Variants in WDR19 observed in about 807,000 individuals in gnomAD.
WDR19 encodes the protein WD repeat-containing protein 19.
WDR19 carries 121 observed loss-of-function variants against 180.0 expected under a neutral mutation model. The observed-to-expected ratio is 0.67, with a 90% CI of 0.58 to 0.78. The LOEUF is 0.78. Among genes scored for constraint, WDR19 ranks in the 30% least tolerant of loss-of-function variants. WDR19 has a pLI of 0.00. For synonymous variants in WDR19, 497 were observed against 540.7 expected (o/e 0.92, Z 1.12); for missense variants, 1,450 against 1,640.7 (o/e 0.88, Z 2.01).
intron 19 of WDR19, 44 bp from the exon 20 acceptor site, chr4:39,234,722 A>G (rs1731206651): frequency 7.4e-7 from 1 of 1,357,474 alleles, no homozygotes; most frequent in African/African-American, 1.4e-5. Context: ...ACTTTGCAAA[A>G]TAATTTTGCT....
chr4:39,216,763 C>T (rs1160864380), intron 12 of WDR19, among the ~76,000 whole-genome samples: 3 of 152,140 alleles, frequency 2.0e-5, no homozygotes, highest in African/African-American at 7.2e-5. Context: ...ATCACCTTTC[C>T]CCAATTCTAG....
intron 9 of WDR19, among the ~76,000 whole-genome samples, chr4:39,207,960 T>C (rs1047444946): frequency 6.6e-6 from 1 of 152,084 alleles, no homozygotes; most frequent in Non-Finnish European, 1.5e-5. Context: ...AACTATACTA[T>C]AAAGGGGAGA....
chr4:39,271,958 G>A (rs1735420562), intron 31 of WDR19, among the ~76,000 whole-genome samples: 1 of 152,148 alleles, frequency 6.6e-6, no homozygotes, highest in Non-Finnish European at 1.5e-5. Context: ...AATTTAAGTA[G>A]CCATACGTGA....
intron 21 of WDR19, 149 bp from the exon 22 acceptor site, chr4:39,244,099 G>T: frequency 1.1e-6 from 1 of 940,274 alleles, no homozygotes; most frequent in Non-Finnish European, 1.4e-6. Context: ...AAAGTCTCAA[G>T]TGTTATTTTA....
intron 10 of WDR19, among the ~76,000 whole-genome samples, 183 bp downstream of exon 10, chr4:39,214,854 C>A (rs887231593): frequency 6.6e-6 from 1 of 151,386 alleles, no homozygotes; most frequent in African/African-American, 2.4e-5. Context: ...CTCACTGCAA[C>A]CTCCACCTCC....
intron 4 of WDR19, among the ~76,000 whole-genome samples, chr4:39,192,247 T>A (rs1726247118): frequency 6.6e-6 from 1 of 152,232 alleles, no homozygotes; most frequent in African/African-American, 2.4e-5. Context: ...TTTTAGCTCA[T>A]GCAAAATTAT....
At chr4:39,244,771 A>G (rs1732335843) in intron 23 of WDR19, among the ~76,000 whole-genome samples, 1 of 152,166 alleles carries the variant, frequency 6.6e-6, no homozygotes, top group Non-Finnish European at 1.5e-5. Context: ...GAAATCCTTA[A>G]TCAGATAAAT....
chr4:39,254,641 T>C (rs1733574378), intron 26 of WDR19, among the ~76,000 whole-genome samples: 1 of 152,186 alleles, frequency 6.6e-6, no homozygotes, highest in Non-Finnish European at 1.5e-5. Context: ...TGCTAAAATA[T>C]ATATAATATA....
At chr4:39,217,290 C>G (rs1434615563) in intron 13 of WDR19, 50 bp downstream of exon 13, 1 of 1,366,626 alleles carries the variant, frequency 7.3e-7, no homozygotes, top group Non-Finnish European at 1.0e-6. Context: ...TAATGAACAG[C>G]CTAATGTCTG....
rs587777348 is a variant in WDR19 at position 39,205,183 on chromosome 4, GT to G, written c.641del (p.Leu214Ter). 4.4e-6 allele frequency: 7 copies of G among 1,595,804 alleles called. No individual in the cohort carries two copies. The highest frequency in any genetic ancestry group is 2.3e-5 in the South Asian group (2 of 87,804). On this transcript the variant is annotated frameshift_variant, in exon 8 of 37. Coordinates refer to ENST00000399820, the MANE Select transcript of WDR19 (RefSeq NM_025132.4). LOFTEE classifies it high-confidence loss of function. ...GTGTGGTGCTTGGCAAGAAAACTTTGTTTTTTTTAAATCTGAATGAACCAGA... is the reference window on the plus strand; with the variant it reads ...GTGTGGTGCTTGGCAAGAAAACTTTGTTTTTTTAAATCTGAATGAACCAGA... ...ISVVLGKKTL[F>X]FLNLNEPDNP...
Position 39,277,084 on chromosome 4 carries a change from C to T in WDR19, c.3781C>T (p.Pro1261Ser). ...TPCPFCKFLLPECELLCPGCK... is the reference protein window; with the variant it reads ...TPCPFCKFLLSECELLCPGCK... ...ATGTCCATTCTGCAAATTTCTTCTC[C>T]CAGAGTGTGAACTCCTCTGTCCTGG... The change falls in exon 34 of 37, where the codon CCA (proline) becomes TCA (serine). Residue 1261 changes from proline (P) to serine (S), a missense_variant. Pro to Ser is a moderately conservative substitution (Grantham distance 74). Transcript: ENST00000399820. 1 of 1,613,892 alleles carries T rather than the reference C, an allele frequency of 6.2e-7. No individual in the cohort carries two copies. Among genetic ancestry groups the T allele is most frequent in the Non-Finnish European group, 8.5e-7 (1 of 1,179,856 alleles).
intron 36 of WDR19, among the ~76,000 whole-genome samples, chr4:39,284,884 C>T (rs183631978): frequency 6.6e-6 from 1 of 152,216 alleles, no homozygotes; most frequent in East Asian, 1.9e-4. Context: ...TATGCACTAT[C>T]CTTCAGAAAC....
At chr4:39,261,961 A>G (rs1734334952) in intron 28 of WDR19, among the ~76,000 whole-genome samples, 1 of 152,064 alleles carries the variant, frequency 6.6e-6, no homozygotes, top group African/African-American at 2.4e-5. Flanking sequence ...TGCAGCTGCA[A>G]GTCATTTTAT....
In WDR19 at chr4:39,231,881, G is replaced by A. The variant is rs1730906951; in HGVS notation, c.2067G>A (p.Met689Ile). The stretch of plus-strand genomic sequence containing the variant: ...TGGCCAGAGCTTGTCTACATCACAT[G>A]GAAGTGGAGTTTGCAATCCGTGTTT... ...NELARACLHH[M>I]EVEFAIRVYR... Residue 689 changes from methionine to isoleucine, a missense_variant, in exon 18 of 37, where the codon ATG becomes ATA. Coordinates refer to ENST00000399820, the MANE Select transcript of WDR19 (RefSeq NM_025132.4). The A allele has an allele frequency of 1.2e-6, 2 of 1,613,394 alleles. No homozygotes were observed. The highest frequency in any genetic ancestry group is 1.7e-6 in the Non-Finnish European group (2 of 1,179,478).
intron 9 of WDR19, among the ~76,000 whole-genome samples, chr4:39,210,905 G>A (rs1246468621): frequency 6.6e-6 from 1 of 152,118 alleles, no homozygotes; most frequent in African/African-American, 2.4e-5. Flanking sequence ...GGGAGGCCAA[G>A]GCGGGAGAAT....
chr4:39,273,171 C>A, intron 32 of WDR19, 110 bp downstream of exon 32: 1 of 790,444 alleles, frequency 1.3e-6, no homozygotes, highest in African/African-American at 1.8e-5. Flanking sequence ...TTAATTCTCA[C>A]AGCAGCTCCA....
intron 17 of WDR19, 65 bp from the exon 18 acceptor site, chr4:39,231,732 T>C: frequency 7.0e-7 from 1 of 1,425,016 alleles, no homozygotes; most frequent in Non-Finnish European, 9.4e-7. Flanking sequence ...TGACATGTAG[T>C]CTGAAAATTG....
Position 39,199,439 on chromosome 4 carries a change from G to T in WDR19, c.407-39G>T, listed in dbSNP as rs901773811. 5 of 1,520,426 alleles carry T rather than the reference G, an allele frequency of 3.3e-6. No individual in the cohort carries two copies. The African/African-American group carries it at 4.2e-5, about 13-fold the overall frequency. The allele number at this position is 1,520,426 out of a possible 1,614,324, so 94.2% of individuals were successfully genotyped here. On this transcript the variant is annotated intron_variant, in intron 5 of 36. Transcript: ENST00000399820. ...TGGCATCACAGATTTTTTTCTTTGAGAAATCCACATGTCTGTATAAAAATA... is the reference window on the plus strand; with the variant it reads ...TGGCATCACAGATTTTTTTCTTTGATAAATCCACATGTCTGTATAAAAATA...
chr4:39,271,577 G>A (rs1735383341), intron 31 of WDR19, among the ~76,000 whole-genome samples: 1 of 152,048 alleles, frequency 6.6e-6, no homozygotes, highest in African/African-American at 2.4e-5. Flanking sequence ...TCTAAAAAAA[G>A]ACACAATACA....
Sources: gnomAD v4.1 joint callset for allele counts (sites outside exome capture counted in the v4.1 genomes callset) on GRCh38, gnomAD v4.1.1 for gene constraint, MANE v1.5 for transcripts, NCBI Gene and HGNC (gene_info 2026-07-23, HGNC 2026-07-21) for gene names.